The following SPAG16 variants were observed in gnomAD, a reference collection of about 807,000 sequenced individuals.
The protein encoded by SPAG16 is sperm associated antigen 16.
Under a neutral mutation model 80.4 loss-of-function variants are expected in SPAG16, and 86 were observed. That is an observed-to-expected ratio of 1.07 (90% CI 0.90 to 1.28). The LOEUF (loss-of-function observed/expected upper bound fraction) is 1.28, where lower values mean the gene tolerates loss of function less well. Ranked by LOEUF, SPAG16 falls within the 50% of genes most tolerant of loss-of-function variation. The probability of loss-of-function intolerance (pLI) is 0.00; values close to 1 mark genes in which losing one functional copy is unlikely to be tolerated. For synonymous variants in SPAG16, 294 were observed against 265.9 expected (o/e 1.11, Z -1.03); for missense variants, 870 against 765.3 (o/e 1.14, Z -1.61).
intron 15 of SPAG16, among the ~76,000 whole-genome samples, chr2:214,266,836 A>G (rs1405640739): frequency 6.6e-6 from 1 of 151,890 alleles, no homozygotes; most frequent in Non-Finnish European, 1.5e-5. Context: ...AGTCCCAATT[A>G]CAAAAGAGTT....
At chr2:213,805,195 AAAG>A (rs1278454486) in intron 10 of SPAG16, among the ~76,000 whole-genome samples, 1 of 152,184 alleles carries the variant, frequency 6.6e-6, no homozygotes, top group East Asian at 1.9e-4. Context: ...GTCTGATATG[AAAG>A]AAGAAGAGCA....
chr2:213,407,519 A>G (rs747480374), intron 9 of SPAG16, among the ~76,000 whole-genome samples: 1 of 148,624 alleles, frequency 6.7e-6, no homozygotes, highest in Non-Finnish European at 1.5e-5. Context: ...CCCCCGTTCA[A>G]CCCCTTTCCT....
At chr2:214,395,643 C>T (rs1314294501) in intron 15 of SPAG16, among the ~76,000 whole-genome samples, 1 of 152,038 alleles carries the variant, frequency 6.6e-6, no homozygotes, top group Non-Finnish European at 1.5e-5. Flanking sequence ...AAGCATAGTA[C>T]CCGATAGGTA....
chr2:214,291,211 A>G (rs1364805200), intron 15 of SPAG16, among the ~76,000 whole-genome samples: 1 of 148,584 alleles, frequency 6.7e-6, no homozygotes, highest in Admixed American at 6.7e-5. Flanking sequence ...TGTTTGGAAT[A>G]TCTTTTTCCA....
At chr2:213,589,209 G>T (rs1187383440) in intron 10 of SPAG16, among the ~76,000 whole-genome samples, 1 of 152,142 alleles carries the variant, frequency 6.6e-6, no homozygotes, top group Non-Finnish European at 1.5e-5. Context: ...AATGTAAATT[G>T]CCCAAACTTC....
At chr2:213,860,345 A>G (rs1375183824) in intron 10 of SPAG16, among the ~76,000 whole-genome samples, 1 of 28,116 alleles carries the variant, frequency 3.6e-5, no homozygotes, top group African/African-American at 8.0e-5. Flanking sequence ...ATTTACAGAT[A>G]TATATATATA....
At chr2:213,777,571 A>G (rs1235088113) in intron 10 of SPAG16, among the ~76,000 whole-genome samples, 1 of 151,892 alleles carries the variant, frequency 6.6e-6, no homozygotes, top group Admixed American at 6.6e-5. Context: ...ACGCCTGGCT[A>G]ATTTTTTAAG....
intron 10 of SPAG16, among the ~76,000 whole-genome samples, chr2:213,532,097 G>A (rs576822315): frequency 6.6e-4 from 101 of 152,226 alleles, no homozygotes; most frequent in South Asian, 2.7e-3. Context: ...ATTCTGGTTT[G>A]TAAAATTATG....
At chr2:214,013,419 C>G (rs2047418485) in intron 12 of SPAG16, among the ~76,000 whole-genome samples, 2 of 152,042 alleles carry the variant, frequency 1.3e-5, no homozygotes, top group Non-Finnish European at 2.9e-5. Context: ...TACTGTGCAA[C>G]AGGACACCAA....
intron 15 of SPAG16, among the ~76,000 whole-genome samples, chr2:214,301,024 AAAGTATAAT>A (rs1414112934): frequency 7.3e-5 from 7 of 95,938 alleles, no homozygotes; most frequent in Non-Finnish European, 1.5e-4. Flanking sequence ...CCTAAAACTT[AAAGTATAAT>A]AATAATAATA....
intron 10 of SPAG16, among the ~76,000 whole-genome samples, chr2:213,609,951 C>T (rs570903884): frequency 6.6e-6 from 1 of 151,998 alleles, no homozygotes; most frequent in Non-Finnish European, 1.5e-5. Flanking sequence ...GAGAAAGCAG[C>T]CTTCAATTAG....
intron 10 of SPAG16, among the ~76,000 whole-genome samples, chr2:213,786,338 C>T (rs2070342629): frequency 6.6e-6 from 1 of 152,044 alleles, no homozygotes; most frequent in Non-Finnish European, 1.5e-5. Context: ...TAAGTGGTGA[C>T]TTTGACCTAA....
At chr2:213,480,643 A>T (rs2073700473) in intron 9 of SPAG16, among the ~76,000 whole-genome samples, 1 of 152,210 alleles carries the variant, frequency 6.6e-6, no homozygotes, top group African/African-American at 2.4e-5. Flanking sequence ...CCCAGTATTG[A>T]CAGAAGTGAT....
At chr2:214,358,706 C>G (rs1035746038) in intron 15 of SPAG16, among the ~76,000 whole-genome samples, 1 of 151,786 alleles carries the variant, frequency 6.6e-6, no homozygotes, top group Non-Finnish European at 1.5e-5. Flanking sequence ...TTTCTTTGAT[C>G]ATGGAGAGCC....
chr2:214,120,867 C>A (rs2054187093), intron 14 of SPAG16, among the ~76,000 whole-genome samples: 1 of 151,714 alleles, frequency 6.6e-6, no homozygotes, highest in Non-Finnish European at 1.5e-5. Context: ...CCCACTCTGA[C>A]CCCCAAAGTT....
chr2:213,993,404 C>A (rs1447217999), intron 12 of SPAG16, among the ~76,000 whole-genome samples: 3 of 152,152 alleles, frequency 2.0e-5, no homozygotes, highest in Non-Finnish European at 4.4e-5. Flanking sequence ...ATATCATTTG[C>A]ATATGTACAA....
chr2:213,518,255 G>C (rs934252029), intron 10 of SPAG16, among the ~76,000 whole-genome samples: 9 of 152,214 alleles, frequency 5.9e-5, no homozygotes, highest in Admixed American at 5.9e-4. Flanking sequence ...CAAAACCATC[G>C]TACACCAGGC....
At chr2:214,348,829 T>C (rs970831094) in intron 15 of SPAG16, among the ~76,000 whole-genome samples, 1 of 152,164 alleles carries the variant, frequency 6.6e-6, no homozygotes, top group African/African-American at 2.4e-5. Context: ...TATAAGAATA[T>C]GGTAGTGGGT....
At chr2:213,937,911 C>T (rs2079052113) in intron 12 of SPAG16, among the ~76,000 whole-genome samples, 1 of 151,838 alleles carries the variant, frequency 6.6e-6, no homozygotes, top group South Asian at 2.1e-4. Flanking sequence ...AGGTAAATGT[C>T]CTTAGGATTT....
Sources: allele counts gnomAD v4.1 joint callset (sites outside exome capture counted in the v4.1 genomes callset), GRCh38; gene constraint gnomAD v4.1.1; transcripts MANE v1.5; gene names NCBI Gene and HGNC (gene_info 2026-07-23, HGNC 2026-07-21).